The following DNAH6 variants were observed in gnomAD, a reference collection of about 807,000 sequenced individuals.
DNAH6 encodes the protein axonemal beta dynein heavy chain 6.
A neutral mutation model predicts 491.4 loss-of-function variants in DNAH6; 340 were observed. The observed-to-expected ratio is 0.69, with a 90% CI of 0.63 to 0.76. The LOEUF is 0.76. Among genes scored for constraint, DNAH6 ranks in the 30% least tolerant of loss-of-function variants. DNAH6 has a pLI of 0.00. For missense variants in DNAH6, 4,443 were observed against 4,972.2 expected (o/e 0.89, Z 3.20); for synonymous variants, 1,603 against 1,686.1 (o/e 0.95, Z 1.21).
rs769305285 is a variant in DNAH6 at position 84,619,851 on chromosome 2, G to A, written c.3739G>A (p.Glu1247Lys). ...GATTCCTGGTATTGATGGAGAACCA[G>A]AAAAGGTTTATACTAATGATATTTT... Reference protein sequence around the residue: ...GKIPGIDGEPEKVYTNDILAM... With the variant: ...GKIPGIDGEPKKVYTNDILAM... Residue 1247 changes from glutamate (E) to lysine (K), a missense_variant, in exon 24 of 77, where the codon GAA becomes AAA. Around this residue, in one of 3 missense-constraint regions of DNAH6, gnomAD observed 2,977 missense variants for 3,296.6 expected, o/e 0.90. Coordinates refer to ENST00000389394, the MANE Select transcript of DNAH6 (RefSeq NM_001370.2). The A allele has an allele frequency of 1.3e-6, 2 of 1,551,400 alleles. No homozygotes were observed. The highest frequency in any genetic ancestry group is 2.4e-5 in the South Asian group (2 of 84,056).
chr2:84,593,411 A>G (rs753397158), intron 16 of DNAH6, among the ~76,000 whole-genome samples: 2 of 152,224 alleles, frequency 1.3e-5, no homozygotes, highest in Non-Finnish European at 2.9e-5. Flanking sequence ...AACCAAGGCA[A>G]TCTTAAACAC....
rs867061454 is a variant in DNAH6, at chr2:84,528,783, C to T, written c.400-121C>T. The T allele has an allele frequency of 3.9e-5, 38 of 979,734 alleles. No individual in the cohort carries two copies. The African/African-American group carries it at 5.1e-4, about 13-fold the overall frequency. The allele number at this position is 979,734 out of a possible 1,614,324, so 60.7% of individuals were successfully genotyped here. A position where few individuals can be genotyped will look rare whatever the true frequency, so the allele number is the denominator to read the frequency against. On this transcript the variant is annotated intron_variant, in intron 3 of 76. Transcript: ENST00000389394. ...AAAATTTTCAGTGCCAAAATGCTTG[C>T]CTTTGAGCCCTAGACATCTCATGCA...
chr2:84,670,179 G>C (rs1692589361), intron 38 of DNAH6, 149 bp from the exon 39 acceptor site: 1 of 581,772 alleles, frequency 1.7e-6, no homozygotes, highest in East Asian at 3.1e-5. Context: ...ATAACTAAAT[G>C]GAATCTCCAG....
At chr2:84,525,225 C>T (rs1676499408) in intron 2 of DNAH6, among the ~76,000 whole-genome samples, 1 of 151,940 alleles carries the variant, frequency 6.6e-6, no homozygotes, top group Non-Finnish European at 1.5e-5. Flanking sequence ...TGCACTTCTT[C>T]CCATAGTAGC....
At chr2:84,695,123 G>C (rs1573513768) in intron 46 of DNAH6, among the ~76,000 whole-genome samples, 1 of 152,164 alleles carries the variant, frequency 6.6e-6, no homozygotes. Flanking sequence ...GACATGCAAT[G>C]AGTTTATATC....
intron 42 of DNAH6, among the ~76,000 whole-genome samples, chr2:84,683,409 CTTATTTTT>C (rs1221816062): frequency 2.4e-5 from 2 of 83,716 alleles, no homozygotes; most frequent in African/African-American, 5.7e-5. Flanking sequence ...CTACACCACT[CTTATTTTT>C]TTTTTTTTTT....
chr2:84,721,030 T>G (rs897140782), intron 59 of DNAH6, among the ~76,000 whole-genome samples: 3 of 152,228 alleles, frequency 2.0e-5, no homozygotes, highest in African/African-American at 7.2e-5. Flanking sequence ...TCTCATATTC[T>G]CTAAACGCGG....
chr2:84,707,074 G>A lies in DNAH6; in HGVS notation c.8851+55G>A, dbSNP rs1696533772. 2.0e-6 allele frequency: 3 copies of A among 1,476,452 alleles called. No homozygotes were observed. In the South Asian group the frequency reaches 4.3e-5, roughly 21 times the overall value. The allele number at this position is 1,476,452 out of a possible 1,614,324, so 91.5% of individuals were successfully genotyped here. Reference sequence around the variant, plus strand: ...AGGAAATGCCTGATTTTCAGAAGTAGGAAGAAGTTTTTGGCAATCAGGTTT... The same window carrying A: ...AGGAAATGCCTGATTTTCAGAAGTAAGAAGAAGTTTTTGGCAATCAGGTTT... On this transcript the variant is annotated intron_variant, in intron 53 of 76. Transcript: ENST00000389394.
At chr2:84,597,870 C>T (rs748960414) in intron 18 of DNAH6, among the ~76,000 whole-genome samples, 3 of 152,044 alleles carry the variant, frequency 2.0e-5, no homozygotes, top group Non-Finnish European at 4.4e-5. Context: ...CCTGTAATCC[C>T]AATACTTTGG....
At chr2:84,638,763 T>C (rs1223012808) in intron 31 of DNAH6, among the ~76,000 whole-genome samples, 1 of 152,184 alleles carries the variant, frequency 6.6e-6, no homozygotes, top group Non-Finnish European at 1.5e-5. Flanking sequence ...AATTGGCTCA[T>C]GGTTCTGCAG....
At chr2:84,707,738 A>C (rs1428352872) in intron 54 of DNAH6, 22 bp downstream of exon 54, 1 of 1,540,818 alleles carries the variant, frequency 6.5e-7, no homozygotes, top group African/African-American at 1.4e-5. Context: ...TGCTTTCTGT[A>C]AGGAGGGGTA....
chr2:84,707,074 G>C, intron 53 of DNAH6, 55 bp downstream of exon 53: 1 of 1,476,570 alleles, frequency 6.8e-7, no homozygotes, highest in Non-Finnish European at 8.9e-7. Flanking sequence ...TTCAGAAGTA[G>C]GAAGAAGTTT....
chr2:84,724,558 G>C (rs1192333), intron 60 of DNAH6, among the ~76,000 whole-genome samples: 40,197 of 152,102 alleles, frequency 0.26, 6,234 homozygotes, highest in African/African-American at 0.45. Context: ...GTTTAAAATG[G>C]CCTTCCTCCC....
At chr2:84,539,339 C>T (rs936956647) in intron 4 of DNAH6, among the ~76,000 whole-genome samples, 1 of 152,098 alleles carries the variant, frequency 6.6e-6, no homozygotes, top group African/African-American at 2.4e-5. Context: ...CATACATGCA[C>T]ACACATCCTG....
chr2:84,561,959 G>A (rs1680724176), intron 11 of DNAH6, among the ~76,000 whole-genome samples: 1 of 152,158 alleles, frequency 6.6e-6, no homozygotes, highest in African/African-American at 2.4e-5. Flanking sequence ...AGCTGATGCT[G>A]ATGGGGAATA....
At chr2:84,512,970 T>A (rs1675393372), upstream of DNAH6, among the ~76,000 whole-genome samples, 2 of 152,204 alleles carry the variant, frequency 1.3e-5, no homozygotes, top group Non-Finnish European at 2.9e-5. Flanking sequence ...TTCCATTTAA[T>A]GTAATTACTG....
intron 33 of DNAH6, among the ~76,000 whole-genome samples, chr2:84,648,095 A>G (rs181429302): frequency 0.025 from 3,861 of 152,364 alleles, 76 homozygotes; most frequent in Non-Finnish European, 0.039. Context: ...CTTCAGCCTC[A>G]AAGAGCATGT....
chr2:84,482,495 A>G, the DNAH6 span, among the ~76,000 whole-genome samples: 3 of 152,234 alleles, frequency 2.0e-5, no homozygotes, highest in Non-Finnish European at 4.4e-5. Context: ...TTAAAAAGAT[A>G]GACCAAGAGA....
At chr2:84,465,120 G>T in the DNAH6 span, among the ~76,000 whole-genome samples, 1 of 152,160 alleles carries the variant, frequency 6.6e-6, no homozygotes, top group East Asian at 1.9e-4. Context: ...CAGTCAGAAG[G>T]CCTCGTTATG....
Sources: gnomAD v4.1 joint callset for allele counts (sites outside exome capture counted in the v4.1 genomes callset) on GRCh38, gnomAD v4.1.1 for gene constraint, gnomAD v4.1.1 regional missense constraint, MANE v1.5 for transcripts, NCBI Gene and HGNC (gene_info 2026-07-23, HGNC 2026-07-21) for gene names.